CC2D2A: variants seen among roughly 807,000 people sequenced by gnomAD.
The protein encoded by CC2D2A is coiled-coil and C2 domain containing 2A.
CC2D2A carries 155 observed loss-of-function variants against 212.9 expected under a neutral mutation model. The ratio of observed to expected loss-of-function variants is 0.73; its 90% CI spans 0.64 to 0.83. The LOEUF is 0.83. CC2D2A is among the 40% of genes least tolerant of loss of function. CC2D2A has a pLI of 0.00. For synonymous variants in CC2D2A, 667 were observed against 686.5 expected, an observed-to-expected ratio of 0.97 and a Z score of 0.44; for missense variants, 1,856 against 1,956.2, an observed-to-expected ratio of 0.95 and a Z score of 0.97.
rs145678228 is a variant in CC2D2A, at chr4:15,528,725, C to A, written c.1465C>A (p.Arg489=). ...KTINEYKSEI[R]QTRKFRDAEQ... ...CATCAATGAGTATAAATCTGAAATT[C>A]GGTGAGTAAAGTTTGTTAAGTGTAA... The change falls in exon 13 of 37, where the codon CGA becomes AGA. Residue 489 remains arginine (R), a splice_region_variant and synonymous_variant. Transcript: ENST00000424120. The A allele has an allele frequency of 4.5e-5, 71 of 1,594,874 alleles. No individual in the cohort carries two copies. The highest frequency in any genetic ancestry group is 5.9e-5 in the Non-Finnish European group (69 of 1,167,392).
chr4:15,528,827 T>A (rs1717661598), intron 13 of CC2D2A, 101 bp downstream of exon 13: 4 of 728,516 alleles, frequency 5.5e-6, no homozygotes, highest in Middle Eastern at 6.7e-4. Context: ...AATGAATACA[T>A]GTGAAATTAT....
chr4:15,586,511 T>C (rs138156834), intron 31 of CC2D2A, among the ~76,000 whole-genome samples: 54 of 152,366 alleles, frequency 3.5e-4, no homozygotes, highest in Non-Finnish European at 6.5e-4. Context: ...CCAGTATTAC[T>C]GTAAAACTTC....
chr4:15,555,031 T>G (rs777134727), intron 19 of CC2D2A, 41 bp from the exon 20 acceptor site: 1 of 1,582,612 alleles, frequency 6.3e-7, no homozygotes, highest in Non-Finnish European at 8.6e-7. Context: ...CAAACTGTTC[T>G]GTGGTCAAGT....
intron 16 of CC2D2A, 135 bp from the exon 17 acceptor site, chr4:15,540,702 G>A: frequency 2.7e-6 from 2 of 750,186 alleles, no homozygotes; most frequent in African/African-American, 3.5e-5. Context: ...TGGCTCCTCT[G>A]GTTAAATGAG....
intron 29 of CC2D2A, among the ~76,000 whole-genome samples, chr4:15,578,997 G>A (rs1427388912): frequency 6.9e-6 from 1 of 144,398 alleles, no homozygotes; most frequent in Non-Finnish European, 1.5e-5. Flanking sequence ...CCTTTAAAAT[G>A]TAACCAACTA....
chr4:15,569,250 T>C (rs1249783928), intron 26 of CC2D2A, 43 bp from the exon 27 acceptor site: 5 of 1,057,840 alleles, frequency 4.7e-6, no homozygotes, highest in South Asian at 2.8e-5. Context: ...ATAATTTCTA[T>C]GTTGCCTATT....
chr4:15,517,488 C>T (rs1388198804), intron 11 of CC2D2A, among the ~76,000 whole-genome samples: 3 of 152,174 alleles, frequency 2.0e-5, no homozygotes, highest in African/African-American at 7.2e-5. Context: ...TAACAAGCTG[C>T]CTAATTCCAG....
intron 4 of CC2D2A, among the ~76,000 whole-genome samples, chr4:15,483,510 G>C (rs1359318186): frequency 6.6e-6 from 1 of 152,166 alleles, no homozygotes; most frequent in African/African-American, 2.4e-5. Flanking sequence ...CCTAAATCCA[G>C]CCCACATTTA....
intron 1 of CC2D2A, among the ~76,000 whole-genome samples, chr4:15,474,968 A>G (rs753970515): frequency 6.6e-6 from 1 of 152,236 alleles, no homozygotes; most frequent in Non-Finnish European, 1.5e-5. Flanking sequence ...TAGAAAGAGA[A>G]GTAAAGTTAA....
intron 11 of CC2D2A, among the ~76,000 whole-genome samples, chr4:15,523,492 C>T (rs1443275960): frequency 1.3e-5 from 2 of 152,204 alleles, no homozygotes; most frequent in African/African-American, 4.8e-5. Context: ...TTGTTCTCAC[C>T]AGTTTTTCAC....
chr4:15,510,349 G>A (rs542877334), intron 7 of CC2D2A, 109 bp downstream of exon 7: 555 of 865,684 alleles, frequency 6.4e-4, no homozygotes, highest in African/African-American at 3.1e-3. Context: ...CAATCCCAGC[G>A]CTTTGGGAGG....
In CC2D2A at chr4:15,540,912, G is replaced by A. The variant is rs1348040937; in HGVS notation, c.2079G>A (p.Val693=). The change falls in exon 17 of 37, where the codon GTG becomes GTA. Residue 693 remains valine, a synonymous_variant. Transcript: ENST00000424120. ...AAGTGCTGTTCAACAACAAGGAGGT[G>A]TCCAGGACAGTCAGTCGGCCACTAG... ...YLKVLFNNKE[V]SRTVSRPLGA... 1.9e-6 allele frequency: 3 copies of A among 1,583,826 alleles called. No homozygotes were observed. Among genetic ancestry groups the A allele is most frequent in the East Asian group, 2.3e-5 (1 of 43,456 alleles).
intron 24 of CC2D2A, among the ~76,000 whole-genome samples, chr4:15,567,079 T>C (rs1481886876): frequency 6.6e-6 from 1 of 152,060 alleles, no homozygotes; most frequent in Admixed American, 6.5e-5. Flanking sequence ...GCTCAGAAGT[T>C]TGAGACCAGC....
At chr4:15,583,939 A>G (rs1283108616) in intron 30 of CC2D2A, among the ~76,000 whole-genome samples, 5 of 149,660 alleles carry the variant, frequency 3.3e-5, no homozygotes, top group Non-Finnish European at 5.9e-5. Flanking sequence ...TGACAGAGCG[A>G]GACTCCATCT....
chr4:15,512,182 T>C (rs1267648000), intron 8 of CC2D2A, among the ~76,000 whole-genome samples: 2 of 152,212 alleles, frequency 1.3e-5, no homozygotes, highest in Non-Finnish European at 2.9e-5. Flanking sequence ...AGATTTACAA[T>C]ATGATCCAGC....
intron 28 of CC2D2A, among the ~76,000 whole-genome samples, chr4:15,571,987 C>T (rs73237182): frequency 0.089 from 13,552 of 152,186 alleles, 769 homozygotes; most frequent in Non-Finnish European, 0.12. Context: ...TTGCTCTCTT[C>T]CCAATAGCTC....
At chr4:15,584,398 G>A (rs1309877956) in intron 30 of CC2D2A, among the ~76,000 whole-genome samples, 1 of 152,000 alleles carries the variant, frequency 6.6e-6, no homozygotes, top group African/African-American at 2.4e-5. Context: ...CACACATTGG[G>A]AAAAAGGACA....
chr4:15,490,813 G>A (rs904963670), intron 4 of CC2D2A, among the ~76,000 whole-genome samples: 2 of 152,036 alleles, frequency 1.3e-5, no homozygotes, highest in Non-Finnish European at 2.9e-5. Flanking sequence ...GTTAAAGATC[G>A]ACCCCTGACC....
chr4:15,504,889 C>A (rs1716167026), intron 6 of CC2D2A, among the ~76,000 whole-genome samples: 1 of 152,086 alleles, frequency 6.6e-6, no homozygotes. Flanking sequence ...TACTGTTCAT[C>A]AAAAAATATA....
Sources: gnomAD v4.1 joint callset for allele counts (sites outside exome capture counted in the v4.1 genomes callset) on GRCh38, gnomAD v4.1.1 for gene constraint, MANE v1.5 for transcripts, NCBI Gene and HGNC (gene_info 2026-07-23, HGNC 2026-07-21) for gene names.